The following MAX variants were observed in gnomAD, a reference collection of about 807,000 sequenced individuals.
MAX encodes protein max.
In MAX, 3 loss-of-function variants were observed where a neutral mutation model predicts 22.3. The observed-to-expected ratio is 0.13, with a 90% CI of 0.06 to 0.35. The LOEUF (loss-of-function observed/expected upper bound fraction) is 0.35. Ranked by LOEUF, MAX falls within the 10% of genes least tolerant of loss-of-function variation. MAX has a pLI of 1.00. For missense variants in MAX, 119 were observed against 209.4 expected, an observed-to-expected ratio of 0.57 and a Z score of 2.66; for synonymous variants, 72 against 77.7, an observed-to-expected ratio of 0.93 and a Z score of 0.39.
intron 3 of MAX, among the ~76,000 whole-genome samples, chr14:65,024,368 C>G (rs1307275395): frequency 6.6e-6 from 1 of 152,066 alleles, no homozygotes; most frequent in Non-Finnish European, 1.5e-5. Flanking sequence ...AGTTGTGCAG[C>G]AAGGACTAGT....
intron 3 of MAX, among the ~76,000 whole-genome samples, chr14:65,089,038 T>C (rs955594008): frequency 5.3e-4 from 81 of 152,188 alleles, no homozygotes; most frequent in African/African-American, 1.9e-3. Context: ...TTATTGTTAA[T>C]TGTTAGATGT....
At chr14:65,026,010 C>T (rs572084068) in intron 3 of MAX, among the ~76,000 whole-genome samples, 17 of 152,268 alleles carry the variant, frequency 1.1e-4, no homozygotes, top group African/African-American at 2.9e-4. Flanking sequence ...ACTCTGAAAT[C>T]GAAAGCAATT....
chr14:65,053,264 TG>T, intron 3 of MAX: 1 of 1,441,468 alleles, frequency 6.9e-7, no homozygotes, highest in Non-Finnish European at 9.2e-7. Flanking sequence ...CATGAGCCAC[TG>T]GATGTTCCAT....
chr14:65,057,372 T>G (rs180934201), intron 3 of MAX, among the ~76,000 whole-genome samples: 1 of 152,300 alleles, frequency 6.6e-6, no homozygotes, highest in Admixed American at 6.5e-5. Flanking sequence ...AAGGCTGCAG[T>G]GAGCTCTGTT....
intron 3 of MAX, among the ~76,000 whole-genome samples, chr14:65,015,232 C>T (rs1211740954): frequency 3.3e-5 from 5 of 151,388 alleles, no homozygotes; most frequent in South Asian, 2.1e-4. Flanking sequence ...CCTCCCAAGT[C>T]GCTGGGATTA....
chr14:65,061,290 C>G (rs149796207), intron 3 of MAX: 1 of 1,613,976 alleles, frequency 6.2e-7, no homozygotes, highest in Admixed American at 1.7e-5. Context: ...GATGAGACAT[C>G]GGCAGAGCCT....
rs1284840962 is a variant in MAX, at chr14:65,078,554, T to C, written c.172-518A>G. On this transcript the variant is annotated intron_variant, in intron 3 of 4. Coordinates refer to ENST00000358664, the MANE Select transcript of MAX (RefSeq NM_002382.5). The surrounding 1 kb of genome is among the most constrained non-coding windows in gnomAD (Gnocchi z 6.4). ...TGTTGTTTTTTTTTTTTTGGAGACG[T>C]AGTCTCGCTCTGTTGCCCAGGCTGG... Among the ~76,000 whole-genome samples, 1 of 147,806 alleles carries C rather than the reference T, an allele frequency of 6.8e-6. No homozygotes were observed. The highest frequency in any genetic ancestry group is 2.5e-5 in the African/African-American group (1 of 40,088).
At chr14:65,071,664 G>C (rs1317772799), downstream of MAX, among the ~76,000 whole-genome samples, 13 of 152,372 alleles carry the variant, frequency 8.5e-5, no homozygotes, top group East Asian at 2.5e-3. The surrounding 1 kb of genome is among the most constrained non-coding windows in gnomAD (Gnocchi z 4.2). Flanking sequence ...GGTAAGGGTT[G>C]TAGCTGGCAT....
chr14:65,054,641 C>T lies in MAX; in HGVS notation c.171+39067G>A, dbSNP rs746183083. The T allele has an allele frequency of 1.5e-5, 24 of 1,613,538 alleles. No homozygotes were observed. In the East Asian group the frequency reaches 3.3e-4, roughly 22 times the overall value. On this transcript the variant is annotated intron_variant, in intron 3 of 3. Transcript: ENST00000341653. The surrounding 1 kb of genome is among the most constrained non-coding windows in gnomAD (Gnocchi z 4.4). ...TGTCCATAGCCCAGCACTTCGGCAG[C>T]GGAGCCATGTTGCATGATGTGGTCC...
intron 3 of MAX, among the ~76,000 whole-genome samples, chr14:65,019,306 G>T (rs939892586): frequency 2.6e-5 from 4 of 152,134 alleles, no homozygotes; most frequent in African/African-American, 9.7e-5. Flanking sequence ...GGCCAACATG[G>T]TGAAACCCTG....
downstream of MAX, among the ~76,000 whole-genome samples, chr14:65,072,804 C>T (rs2063003143): frequency 6.6e-6 from 1 of 152,240 alleles, no homozygotes; most frequent in Admixed American, 6.5e-5. Flanking sequence ...CTCGAGTTGA[C>T]ACCAGATCTA....
At chr14:65,039,143 G>C (rs556107218) in intron 3 of MAX, among the ~76,000 whole-genome samples, 3 of 152,196 alleles carry the variant, frequency 2.0e-5, no homozygotes, top group Non-Finnish European at 4.4e-5. Flanking sequence ...GGAGCTCTGC[G>C]AGAGTGGGCA....
chr14:65,102,167 G>C lies in MAX; in HGVS notation c.36+137C>G. 6 of 1,491,446 alleles carry C rather than the reference G, an allele frequency of 4.0e-6. No homozygotes were observed. The South Asian group carries it at 6.1e-5, about 15-fold the overall frequency. The allele number at this position is 1,491,446 out of a possible 1,614,324, so 92.4% of individuals were successfully genotyped here. ...AGGGGAGCGAACCGGGAACGCGACGGAGGCACTCCTGGCCCCGAGGGGAAG... is the reference window on the plus strand; with the variant it reads ...AGGGGAGCGAACCGGGAACGCGACGCAGGCACTCCTGGCCCCGAGGGGAAG... On this transcript the variant is annotated intron_variant, in intron 1 of 4. Coordinates refer to ENST00000358664, the MANE Select transcript of MAX (RefSeq NM_002382.5).
At chr14:65,008,122 C>G (rs1447378703) in intron 3 of MAX, among the ~76,000 whole-genome samples, 1 of 152,218 alleles carries the variant, frequency 6.6e-6, no homozygotes, top group Non-Finnish European at 1.5e-5. Context: ...CAAATAAGTT[C>G]ACCTTTCCTC....
chr14:65,018,379 A>G (rs2061819552), intron 3 of MAX, among the ~76,000 whole-genome samples: 1 of 152,238 alleles, frequency 6.6e-6, no homozygotes, highest in African/African-American at 2.4e-5. Flanking sequence ...ATGTATTTAT[A>G]TAGAGAGATG....
rs560835284 is a variant in MAX, at chr14:65,095,641, C to T, written c.64-1826G>A. 2.0e-3 allele frequency among the ~76,000 whole-genome samples: 297 copies of T among 152,224 alleles called. 1 individual carries two copies. The highest frequency in any genetic ancestry group is 2.9e-3 in the Non-Finnish European group (197 of 68,012). ...AGAGACAATATTTGGCATGTGTCTG[C>T]GGCTCCTGTTTGCTATATACTACCT... On this transcript the variant is annotated intron_variant, in intron 2 of 4. Coordinates refer to ENST00000358664, the MANE Select transcript of MAX (RefSeq NM_002382.5).
In MAX at chr14:65,093,631, G is replaced by A; in HGVS notation, c.171+77C>T. On this transcript the variant is annotated intron_variant, in intron 3 of 4. Transcript: ENST00000358664. The surrounding 1 kb of genome is among the most constrained non-coding windows in gnomAD (Gnocchi z 4.4). ...CTCTGACTACATTTCCTTCCCAATA[G>A]GTGAGTGCTCTGCTAAGCTCTGCAA... 1.2e-6 allele frequency: 1 copy of A among 818,644 alleles called. No individual in the cohort carries two copies. The highest frequency in any genetic ancestry group is 2.2e-6 in the Non-Finnish European group (1 of 456,278). 50.7% of individuals were successfully genotyped at this position (818,644 alleles called of 1,614,324 possible).
Position 65,032,577 on chromosome 14 carries a change from A to C in MAX, c.172-26293T>G, listed in dbSNP as rs746415071. 3.7e-6 allele frequency: 6 copies of C among 1,609,582 alleles called. No individual in the cohort carries two copies. In the East Asian group the frequency reaches 1.3e-4, roughly 36 times the overall value. On this transcript the variant is annotated intron_variant, in intron 3 of 3. Transcript: ENST00000341653. The surrounding 1 kb of genome is among the most constrained non-coding windows in gnomAD (Gnocchi z 5.0). ...CTGAGCCTCATTAGCTCTTCCGTAG[A>C]GCTTAATGTGTTTCCCGTTTCTGTC...
rs2062693999 is a variant in MAX at position 65,054,796 on chromosome 14, A to G, written c.171+38912T>C. 8.1e-7 allele frequency: 1 copy of G among 1,239,530 alleles called. No individual in the cohort carries two copies. The allele number at this position is 1,239,530 out of a possible 1,614,324, so 76.8% of individuals were successfully genotyped here. ...CTGCATTTCCTGTGTGGACAGGCGG[A>G]AGCTTGTGGTCCCTCTGCCCTTCGA... On this transcript the variant is annotated intron_variant, in intron 3 of 3. Coordinates refer to the MAX transcript ENST00000341653. The surrounding 1 kb of genome is among the most constrained non-coding windows in gnomAD (Gnocchi z 4.4).
Sources: allele counts gnomAD v4.1 joint callset (sites outside exome capture counted in the v4.1 genomes callset), GRCh38; gene constraint gnomAD v4.1.1; non-coding constraint Gnocchi (gnomAD v3.1); transcripts MANE v1.5; gene names NCBI Gene and HGNC (gene_info 2026-07-23, HGNC 2026-07-21).